KLF8: variants seen among roughly 807,000 people sequenced by gnomAD.
KLF8 encodes Krueppel-like factor 8.
Under a neutral mutation model 18.2 loss-of-function variants are expected in KLF8, and 10 were observed. The ratio of observed to expected loss-of-function variants is 0.55; its 90% CI spans 0.34 to 0.93. KLF8 has a LOEUF of 0.93. Ranked by LOEUF, KLF8 falls within the 40% of genes least tolerant of loss-of-function variation. The pLI is 0.02. For missense variants in KLF8, 264 were observed against 277.9 expected (o/e 0.95, Z 0.36); for synonymous variants, 109 against 97.3 (o/e 1.12, Z -0.71).
the KLF8 span, among the ~76,000 whole-genome samples, chrX:55,981,416 CCT>C: frequency 9.0e-6 from 1 of 111,707 alleles, no homozygotes; most frequent in African/African-American, 3.3e-5. Context: ...AACCCCAACT[CCT>C]CAGGATACTT....
At chrX:56,204,685 T>C in the KLF8 span, among the ~76,000 whole-genome samples, 1 of 111,390 alleles carries the variant, frequency 9.0e-6, no homozygotes, top group African/African-American at 3.3e-5. Flanking sequence ...GAAATAATCA[T>C]ATGGCTTTTC....
the KLF8 span, among the ~76,000 whole-genome samples, chrX:56,112,644 G>A: frequency 1.9e-3 from 215 of 110,858 alleles, 1 homozygote; most frequent in Non-Finnish European, 3.6e-3. Flanking sequence ...TTTATTTTTT[G>A]TCATTCTTAT....
At chrX:55,944,510 C>A in the KLF8 span, among the ~76,000 whole-genome samples, 1 of 111,158 alleles carries the variant, frequency 9.0e-6, no homozygotes, top group African/African-American at 3.3e-5. Flanking sequence ...AATTTCAGAG[C>A]CTGTTATTGG....
the KLF8 span, among the ~76,000 whole-genome samples, chrX:55,942,795 G>C: frequency 8.9e-6 from 1 of 112,259 alleles, no homozygotes; most frequent in Admixed American, 9.5e-5. Context: ...CAAAGGCCCT[G>C]AATTGAAGGC....
chrX:56,072,987 A>ATTTT, the KLF8 span, among the ~76,000 whole-genome samples: 1 of 83,948 alleles, frequency 1.2e-5, no homozygotes, highest in Non-Finnish European at 2.5e-5. Flanking sequence ...TTCGCTTAGC[A>ATTTT]TTTTTTTTTT....
the KLF8 span, among the ~76,000 whole-genome samples, chrX:56,156,655 G>A: frequency 1.8e-5 from 2 of 108,628 alleles, no homozygotes; most frequent in South Asian, 4.1e-4. Flanking sequence ...CATGTGCCAT[G>A]TTGGTGTGCT....
chrX:56,234,004 G>T (rs1277141188), intron 1 of KLF8, among the ~76,000 whole-genome samples: 3 of 111,220 alleles, frequency 2.7e-5, no homozygotes, highest in African/African-American at 6.5e-5. Flanking sequence ...TGACTGGGCC[G>T]AGTTGCTGTG....
the KLF8 span, among the ~76,000 whole-genome samples, chrX:56,011,487 A>G: frequency 8.9e-6 from 1 of 112,092 alleles, no homozygotes; most frequent in Non-Finnish European, 1.9e-5. Flanking sequence ...ATAACACTGA[A>G]TGCCCACATC....
the KLF8 span, among the ~76,000 whole-genome samples, chrX:56,119,087 A>C: frequency 2.7e-5 from 3 of 111,420 alleles, no homozygotes; most frequent in African/African-American, 9.8e-5. Context: ...TGAGCCATGG[A>C]ATCAAAAGTA....
At chrX:56,186,034 T>G in the KLF8 span, among the ~76,000 whole-genome samples, 5 of 112,095 alleles carry the variant, frequency 4.5e-5, no homozygotes, top group Non-Finnish European at 9.4e-5. Context: ...AATATTAACT[T>G]TAAATGTAAA....
the KLF8 span, among the ~76,000 whole-genome samples, chrX:55,984,771 G>A: frequency 5.5e-5 from 6 of 109,702 alleles, no homozygotes; most frequent in Non-Finnish European, 1.1e-4. Context: ...TTTTCTCCAC[G>A]ACCTTGCTAG....
the KLF8 span, among the ~76,000 whole-genome samples, chrX:56,084,582 A>C: frequency 8.9e-6 from 1 of 112,081 alleles, no homozygotes; most frequent in East Asian, 2.8e-4. Flanking sequence ...GTATGGAATC[A>C]GAAGAAGGGA....
the KLF8 span, among the ~76,000 whole-genome samples, chrX:56,100,903 G>A: frequency 7.2e-5 from 8 of 111,495 alleles, no homozygotes; most frequent in African/African-American, 2.3e-4. Flanking sequence ...TAAAGTGTGC[G>A]GTGCAATGAT....
At chrX:55,954,899 G>C in the KLF8 span, among the ~76,000 whole-genome samples, 95 of 111,604 alleles carry the variant, frequency 8.5e-4, no homozygotes, top group African/African-American at 2.7e-3. Flanking sequence ...AAAGAAGCTA[G>C]ATGTAAGAAA....
chrX:55,918,575 A>G, the KLF8 span, among the ~76,000 whole-genome samples: 57,161 of 111,589 alleles, frequency 0.51, 12,930 homozygotes, highest in East Asian at 0.75. Context: ...GAAATAAAAA[A>G]TAAAAGTATT....
the KLF8 span, among the ~76,000 whole-genome samples, chrX:56,091,658 C>T: frequency 9.0e-6 from 1 of 110,674 alleles, no homozygotes; most frequent in African/African-American, 3.3e-5. Context: ...CCATGCCTGG[C>T]TAATTTTTGT....
At chrX:55,988,161 C>A in the KLF8 span, among the ~76,000 whole-genome samples, 1 of 111,662 alleles carries the variant, frequency 9.0e-6, no homozygotes, top group Admixed American at 9.5e-5. Flanking sequence ...TGCCTGTTTA[C>A]TCTGATGGTA....
the KLF8 span, among the ~76,000 whole-genome samples, chrX:56,174,523 T>G: frequency 8.9e-6 from 1 of 112,103 alleles, no homozygotes; most frequent in Non-Finnish European, 1.9e-5. Flanking sequence ...GATTTTTGCA[T>G]CGATGTTCAT....
chrX:56,247,116 A>G (rs2066632038), intron 1 of KLF8, among the ~76,000 whole-genome samples: 2 of 112,066 alleles, frequency 1.8e-5, no homozygotes, highest in South Asian at 3.7e-4. Flanking sequence ...ATGTACTAAC[A>G]TAAACCTAGA....
Sources: allele counts gnomAD v4.1 joint callset (sites outside exome capture counted in the v4.1 genomes callset), GRCh38; gene constraint gnomAD v4.1.1; transcripts MANE v1.5; gene names NCBI Gene and HGNC (gene_info 2026-07-23, HGNC 2026-07-21).